Variants in NPFFR2 observed in about 807,000 individuals in gnomAD.
NPFFR2 encodes neuropeptide FF receptor 2, also known as G-protein coupled receptor 74.
In NPFFR2, 15 loss-of-function variants were observed where a neutral mutation model predicts 13.1. The observed-to-expected ratio is 1.15, with a 90% CI of 0.77 to 1.76. The LOEUF (loss-of-function observed/expected upper bound fraction) is 1.76, where lower values mean the gene tolerates loss of function less well. NPFFR2 is among the 40% of genes most tolerant of loss of function. NPFFR2 has a pLI of 0.00. For synonymous variants in NPFFR2, 190 were observed against 175.7 expected, an observed-to-expected ratio of 1.08 and a Z score of -0.65; for missense variants, 572 against 503.5, an observed-to-expected ratio of 1.14 and a Z score of -1.30.
intron 1 of NPFFR2, among the ~76,000 whole-genome samples, chr4:72,127,048 A>T (rs1722066755): frequency 6.6e-6 from 1 of 151,928 alleles, no homozygotes; most frequent in Non-Finnish European, 1.5e-5. Context: ...CACGCCTGTA[A>T]TCCCAGCACT....
intron 1 of NPFFR2, among the ~76,000 whole-genome samples, chr4:72,103,318 G>A (rs1721310423): frequency 6.6e-6 from 1 of 152,084 alleles, no homozygotes; most frequent in Non-Finnish European, 1.5e-5. Flanking sequence ...GGAGCCAAAT[G>A]GGAGGTGTTT....
At chr4:72,088,288 C>T (rs1162132989) in intron 1 of NPFFR2, among the ~76,000 whole-genome samples, 1 of 151,964 alleles carries the variant, frequency 6.6e-6, no homozygotes, top group Non-Finnish European at 1.5e-5. Context: ...TTATTTAACT[C>T]TATATTTCTA....
chr4:72,056,577 A>G, intron 1 of NPFFR2, among the ~76,000 whole-genome samples: 1 of 152,016 alleles, frequency 6.6e-6, no homozygotes, highest in Admixed American at 6.6e-5. Flanking sequence ...TAAGAAATAC[A>G]TTTTTTAAGG....
At chr4:72,038,566 C>T (rs1156543302) in intron 1 of NPFFR2, among the ~76,000 whole-genome samples, 1 of 151,912 alleles carries the variant, frequency 6.6e-6, no homozygotes, top group Admixed American at 6.6e-5. Context: ...GCTAAAATAC[C>T]AATCAGTATA....
intron 1 of NPFFR2, among the ~76,000 whole-genome samples, chr4:72,053,064 T>C (rs987795136): frequency 1.3e-5 from 2 of 151,906 alleles, no homozygotes; most frequent in East Asian, 3.9e-4. Flanking sequence ...AAAACCAAGC[T>C]GTAGCTCGAC....
At chr4:72,141,067 C>G (rs1358908882) in intron 3 of NPFFR2, among the ~76,000 whole-genome samples, 1 of 152,066 alleles carries the variant, frequency 6.6e-6, no homozygotes, top group African/African-American at 2.4e-5. Flanking sequence ...ATAGTATTCT[C>G]TGATAGTAGT....
intron 1 of NPFFR2, among the ~76,000 whole-genome samples, chr4:72,040,909 T>C (rs973293146): frequency 2.9e-5 from 4 of 140,148 alleles, no homozygotes; most frequent in African/African-American, 1.0e-4. Context: ...ATATGCTACA[T>C]TTTAGTCACT....
chr4:72,132,230 A>G (rs1722267320), intron 2 of NPFFR2, among the ~76,000 whole-genome samples: 1 of 151,916 alleles, frequency 6.6e-6, no homozygotes, highest in African/African-American at 2.4e-5. Context: ...GCTCCCACAT[A>G]TAAATAGTAA....
At chr4:72,133,959 C>G (rs1404486216) in intron 2 of NPFFR2, among the ~76,000 whole-genome samples, 4 of 152,046 alleles carry the variant, frequency 2.6e-5, no homozygotes, top group Non-Finnish European at 2.9e-5. Context: ...GTTTAAAGTT[C>G]TTGCATACAA....
At chr4:72,103,459 C>T (rs1015419270) in intron 1 of NPFFR2, among the ~76,000 whole-genome samples, 2 of 152,068 alleles carry the variant, frequency 1.3e-5, no homozygotes, top group African/African-American at 4.8e-5. Context: ...TTGGACTTTC[C>T]AGCCTCCAGA....
intron 1 of NPFFR2, among the ~76,000 whole-genome samples, chr4:72,050,956 G>A (rs1010352294): frequency 2.1e-3 from 316 of 151,908 alleles, no homozygotes; most frequent in African/African-American, 7.4e-3. Context: ...CATTTTTTAT[G>A]GCTGCATAGT....
intron 1 of NPFFR2, among the ~76,000 whole-genome samples, chr4:72,061,947 A>C (rs999136003): frequency 2.0e-5 from 3 of 152,172 alleles, no homozygotes; most frequent in East Asian, 1.9e-4. Flanking sequence ...ACTTAAAGTA[A>C]AATAATAAAT....
In NPFFR2 at chr4:72,128,906, C is replaced by G; in HGVS notation, c.315C>G (p.Asp105Glu). 6.2e-7 allele frequency: 1 copy of G among 1,608,884 alleles called. No individual in the cohort carries two copies. Among genetic ancestry groups the G allele is most frequent in the Non-Finnish European group, 8.5e-7 (1 of 1,175,838 alleles). ...GIFCMPITLL[D>E]NIIAGWPFGN... ...TCTGCATGCCTATAACACTGCTGGA[C>G]AATATTATAGCAGGTATGTTGGCTT... Residue 105 changes from aspartate (D) to glutamate (E), a missense_variant, in exon 2 of 4, where the codon GAC becomes GAG. Transcript: ENST00000308744.
At chr4:72,115,152 A>T (rs766951664) in intron 1 of NPFFR2, among the ~76,000 whole-genome samples, 1 of 152,142 alleles carries the variant, frequency 6.6e-6, no homozygotes, top group Non-Finnish European at 1.5e-5. Context: ...AACTTTTCCT[A>T]TAACAAAGTT....
chr4:72,083,429 C>T (rs894495217), intron 1 of NPFFR2, among the ~76,000 whole-genome samples: 1 of 152,110 alleles, frequency 6.6e-6, no homozygotes, highest in African/African-American at 2.4e-5. Context: ...ATTTGAATTT[C>T]CCTGATGATT....
chr4:72,050,961 C>A (rs1454251924), intron 1 of NPFFR2, among the ~76,000 whole-genome samples: 1 of 151,888 alleles, frequency 6.6e-6, no homozygotes, highest in Non-Finnish European at 1.5e-5. Flanking sequence ...TTTATGGCTG[C>A]ATAGTATTCC....
intron 1 of NPFFR2, among the ~76,000 whole-genome samples, chr4:72,072,842 A>G: frequency 6.6e-6 from 1 of 152,168 alleles, no homozygotes. Flanking sequence ...TACCACATAA[A>G]AAGGATCTCA....
At chr4:72,096,609 A>C (rs991133334) in intron 1 of NPFFR2, among the ~76,000 whole-genome samples, 1 of 152,080 alleles carries the variant, frequency 6.6e-6, no homozygotes, top group Non-Finnish European at 1.5e-5. Context: ...AGGAAGCTAC[A>C]TCAGTATCAA....
intron 1 of NPFFR2, among the ~76,000 whole-genome samples, chr4:72,071,544 CAGT>C (rs1720257098): frequency 6.6e-6 from 1 of 152,130 alleles, no homozygotes. Flanking sequence ...TGAAGGCTTG[CAGT>C]TGAAGACTTG....
Sources: gnomAD v4.1 joint callset for allele counts (sites outside exome capture counted in the v4.1 genomes callset) on GRCh38, gnomAD v4.1.1 for gene constraint, MANE v1.5 for transcripts, NCBI Gene and HGNC (gene_info 2026-07-23, HGNC 2026-07-21) for gene names.